The following CTNNA3 variants were observed in gnomAD, a reference collection of about 807,000 sequenced individuals.
CTNNA3 encodes the protein catenin alpha-3.
A neutral mutation model predicts 95.7 loss-of-function variants in CTNNA3; 76 were observed. The observed-to-expected ratio is 0.79, with a 90% CI of 0.66 to 0.96. CTNNA3 has a LOEUF of 0.96. Among genes scored for constraint, CTNNA3 ranks in the 40% least tolerant of loss-of-function variants. The probability of loss-of-function intolerance (pLI) is 0.00; values close to 1 mark genes in which losing one functional copy is unlikely to be tolerated. For synonymous variants in CTNNA3, 431 were observed against 374.4 expected, an observed-to-expected ratio of 1.15 and a Z score of -1.74; for missense variants, 1,191 against 1,089.8, an observed-to-expected ratio of 1.09 and a Z score of -1.31.
At chr10:66,873,823 G>C (rs973975722) in intron 7 of CTNNA3, among the ~76,000 whole-genome samples, 1 of 152,034 alleles carries the variant, frequency 6.6e-6, no homozygotes, top group African/African-American at 2.4e-5. Flanking sequence ...AGAAAACCTA[G>C]GAAATATCTT....
intron 5 of CTNNA3, among the ~76,000 whole-genome samples, chr10:67,267,835 T>C (rs1270054941): frequency 2.0e-5 from 3 of 152,178 alleles, no homozygotes; most frequent in African/African-American, 7.2e-5. Context: ...TTATTTGATT[T>C]ATTATATGTA....
intron 9 of CTNNA3, among the ~76,000 whole-genome samples, chr10:66,675,595 A>T (rs1194486826): frequency 1.3e-5 from 2 of 152,144 alleles, no homozygotes; most frequent in Admixed American, 1.3e-4. Flanking sequence ...ATTTAATTAA[A>T]TTGAGAACTA....
chr10:67,721,737 C>G (rs1206853453), intron 1 of CTNNA3, among the ~76,000 whole-genome samples: 1 of 152,084 alleles, frequency 6.6e-6, no homozygotes, highest in Non-Finnish European at 1.5e-5. Flanking sequence ...GGAGAAGAGG[C>G]CTTCTGGTTT....
At chr10:66,753,522 C>T (rs1453272240) in intron 9 of CTNNA3, among the ~76,000 whole-genome samples, 2 of 151,728 alleles carry the variant, frequency 1.3e-5, no homozygotes, top group Admixed American at 1.3e-4. Flanking sequence ...ATTAGCCAGG[C>T]GTGGTGGTGG....
chr10:66,465,083 C>G (rs1194173543), intron 11 of CTNNA3, among the ~76,000 whole-genome samples: 1 of 152,088 alleles, frequency 6.6e-6, no homozygotes, highest in Non-Finnish European at 1.5e-5. Context: ...ATGATTAAAA[C>G]AGATTTTAAA....
intron 12 of CTNNA3, among the ~76,000 whole-genome samples, chr10:66,316,240 G>A (rs1367754057): frequency 1.3e-5 from 2 of 152,014 alleles, no homozygotes; most frequent in South Asian, 2.1e-4. Flanking sequence ...TTAAATCTAA[G>A]AATAAATATT....
chr10:66,867,426 C>A (rs1844222910), intron 7 of CTNNA3, among the ~76,000 whole-genome samples: 1 of 151,714 alleles, frequency 6.6e-6, no homozygotes, highest in Admixed American at 6.6e-5. Context: ...ATATTGTCCT[C>A]ACATTTGCAA....
intron 5 of CTNNA3, among the ~76,000 whole-genome samples, chr10:67,332,115 C>A (rs1480381365): frequency 6.6e-6 from 1 of 152,058 alleles, no homozygotes; most frequent in African/African-American, 2.4e-5. Context: ...AAGAAAAGTG[C>A]ATTAGTCTAA....
At chr10:66,626,861 T>C (rs1844952543) in intron 9 of CTNNA3, among the ~76,000 whole-genome samples, 1 of 151,968 alleles carries the variant, frequency 6.6e-6, no homozygotes, top group Non-Finnish European at 1.5e-5. Flanking sequence ...ACTGTATAAT[T>C]AGATTTTTTA....
intron 2 of CTNNA3, among the ~76,000 whole-genome samples, chr10:67,645,634 C>T (rs1486428102): frequency 1.3e-5 from 2 of 151,902 alleles, no homozygotes; most frequent in Non-Finnish European, 2.9e-5. Context: ...TGGCCATTAA[C>T]TTTTACATTT....
At chr10:67,365,630 C>A (rs1376979564) in intron 5 of CTNNA3, among the ~76,000 whole-genome samples, 1 of 152,178 alleles carries the variant, frequency 6.6e-6, no homozygotes, top group Non-Finnish European at 1.5e-5. Flanking sequence ...AAAAAATGCT[C>A]ATCATCACTG....
intron 11 of CTNNA3, among the ~76,000 whole-genome samples, chr10:66,436,636 C>T (rs914792105): frequency 1.3e-5 from 2 of 150,050 alleles, no homozygotes; most frequent in African/African-American, 4.9e-5. Flanking sequence ...GGTCTTGACT[C>T]TTTATCCAAT....
At chr10:67,061,848 T>C (rs566565967) in intron 7 of CTNNA3, among the ~76,000 whole-genome samples, 30 of 152,334 alleles carry the variant, frequency 2.0e-4, no homozygotes, top group African/African-American at 5.5e-4. Context: ...GGGAGAATAT[T>C]TAACATTACT....
chr10:66,045,577 C>T (rs1461531643), intron 15 of CTNNA3, among the ~76,000 whole-genome samples: 3 of 152,152 alleles, frequency 2.0e-5, no homozygotes, highest in South Asian at 2.1e-4. Flanking sequence ...ATAGAAGGTG[C>T]TCTAACTCCT....
At chr10:66,720,912 A>C (rs1406859068) in intron 9 of CTNNA3, among the ~76,000 whole-genome samples, 1 of 152,198 alleles carries the variant, frequency 6.6e-6, no homozygotes, top group Non-Finnish European at 1.5e-5. Context: ...CCAGAATGGG[A>C]GTGTTGATCA....
intron 14 of CTNNA3, among the ~76,000 whole-genome samples, chr10:66,070,977 A>T (rs1589324477): frequency 1.4e-5 from 2 of 142,716 alleles, no homozygotes; most frequent in Admixed American, 1.5e-4. Context: ...CCTTTTTCTC[A>T]GGGGGAACAA....
chr10:66,442,330 A>T (rs1314950692), intron 11 of CTNNA3, among the ~76,000 whole-genome samples: 1 of 148,680 alleles, frequency 6.7e-6, no homozygotes, highest in Non-Finnish European at 1.5e-5. Context: ...ATACCGAGGG[A>T]TGGCTGTATA....
At chr10:65,953,525 T>C (rs1401013072) in intron 17 of CTNNA3, among the ~76,000 whole-genome samples, 1 of 152,052 alleles carries the variant, frequency 6.6e-6, no homozygotes, top group Non-Finnish European at 1.5e-5. Context: ...CCTAATGCTA[T>C]CCCTCCCCCC....
intron 3 of CTNNA3, among the ~76,000 whole-genome samples, chr10:67,584,027 G>T (rs907306058): frequency 1.3e-5 from 2 of 152,118 alleles, no homozygotes; most frequent in Admixed American, 6.6e-5. Context: ...GCTTGGAGAA[G>T]TTTGTTATTC....
Sources: allele counts gnomAD v4.1 joint callset (sites outside exome capture counted in the v4.1 genomes callset), GRCh38; gene constraint gnomAD v4.1.1; transcripts MANE v1.5; gene names NCBI Gene and HGNC (gene_info 2026-07-23, HGNC 2026-07-21).